PDGFD: variants seen among roughly 807,000 people sequenced by gnomAD.
PDGFD encodes platelet-derived growth factor D.
PDGFD carries 30 observed loss-of-function variants against 44.7 expected under a neutral mutation model. The ratio of observed to expected loss-of-function variants is 0.67; its 90% confidence interval spans 0.50 to 0.91. The LOEUF is 0.91. Ranked by LOEUF, PDGFD falls within the 40% of genes least tolerant of loss-of-function variation. The pLI is 0.00. For missense variants in PDGFD, 445 were observed against 457.8 expected (o/e 0.97, Z 0.25); for synonymous variants, 173 against 168.4 (o/e 1.03, Z -0.21).
chr11:103,910,273 T>C (rs1328906295), intron 6 of PDGFD, among the ~76,000 whole-genome samples: 1 of 152,168 alleles, frequency 6.6e-6, no homozygotes, highest in Non-Finnish European at 1.5e-5. Context: ...AAATCTTTGG[T>C]TGAAGTAAAA....
At position 103,907,578 on chromosome 11, in the gene PDGFD, G is replaced by C. The variant is rs1857955360; in HGVS notation, c.*2116C>G. ...AGTGAATATGCCTGCTTACATTTCAGCTAATAAATAAAAAGTGCAGATAGG... is the reference window on the plus strand; with the variant it reads ...AGTGAATATGCCTGCTTACATTTCACCTAATAAATAAAAAGTGCAGATAGG... On this transcript the variant is annotated 3_prime_UTR_variant, in exon 7 of 7. Coordinates refer to ENST00000393158, the MANE Select transcript of PDGFD (RefSeq NM_025208.5). The C allele has an allele frequency of 6.6e-6, 1 of 152,330 alleles. No individual in the cohort carries two copies. The highest frequency in any genetic ancestry group is 2.1e-4 in the South Asian group (1 of 4,832). 9.4% of individuals were successfully genotyped at this position (152,330 alleles called of 1,614,324 possible).
chr11:104,015,780 T>C (rs927087458), intron 1 of PDGFD, among the ~76,000 whole-genome samples: 3 of 152,204 alleles, frequency 2.0e-5, no homozygotes, highest in Non-Finnish European at 2.9e-5. Context: ...TTTGCATGGT[T>C]GTCCAATTTA....
At chr11:103,944,676 T>C (rs1858642849) in intron 4 of PDGFD, among the ~76,000 whole-genome samples, 1 of 152,130 alleles carries the variant, frequency 6.6e-6, no homozygotes, top group Non-Finnish European at 1.5e-5. Flanking sequence ...TGCTATTGAG[T>C]CCCAGACAGC....
intron 1 of PDGFD, among the ~76,000 whole-genome samples, chr11:104,089,380 A>G (rs1395099262): frequency 2.0e-5 from 3 of 152,218 alleles, no homozygotes; most frequent in Non-Finnish European, 4.4e-5. Context: ...CTGAATCCTT[A>G]AAAATAACAG....
intron 1 of PDGFD, among the ~76,000 whole-genome samples, chr11:104,088,700 TGAA>T (rs979132521): frequency 4.6e-5 from 7 of 152,106 alleles, no homozygotes; most frequent in African/African-American, 1.7e-4. Context: ...CAAGGAACAG[TGAA>T]GAAGAAGGCA....
chr11:104,162,082 G>T (rs948579317), intron 1 of PDGFD, among the ~76,000 whole-genome samples: 1 of 151,300 alleles, frequency 6.6e-6, no homozygotes, highest in Non-Finnish European at 1.5e-5. Flanking sequence ...TTCCCATATA[G>T]ACTGAACAGA....
intron 3 of PDGFD, among the ~76,000 whole-genome samples, chr11:103,973,209 G>A (rs1184587362): frequency 6.6e-6 from 1 of 150,836 alleles, no homozygotes; most frequent in African/African-American, 2.4e-5. Context: ...CACGATCTTG[G>A]CTCACTGCAA....
At chr11:103,987,593 C>T (rs1052420431) in intron 3 of PDGFD, among the ~76,000 whole-genome samples, 4 of 152,162 alleles carry the variant, frequency 2.6e-5, no homozygotes. Context: ...CACCCAAGTT[C>T]TCCATTCTAG....
At chr11:104,084,946 C>CTT (rs3050619) in intron 1 of PDGFD, among the ~76,000 whole-genome samples, 69,220 of 146,324 alleles carry the variant, frequency 0.47, 18,226 homozygotes, top group African/African-American at 0.72. Flanking sequence ...ACATATATCA[C>CTT]ATATAAATAA....
At chr11:104,060,376 T>G (rs10895567) in intron 1 of PDGFD, among the ~76,000 whole-genome samples, 2 of 151,944 alleles carry the variant, frequency 1.3e-5, no homozygotes, top group Non-Finnish European at 2.9e-5. Context: ...CTGGACCAGG[T>G]AGCTGGCCCA....
At chr11:104,131,622 C>T (rs1022660128) in intron 1 of PDGFD, among the ~76,000 whole-genome samples, 14 of 151,802 alleles carry the variant, frequency 9.2e-5, no homozygotes, top group Non-Finnish European at 1.3e-4. Flanking sequence ...CTCTTAAATC[C>T]GGTGCTTTAC....
chr11:104,153,687 C>A (rs1862272037), intron 1 of PDGFD, among the ~76,000 whole-genome samples: 1 of 152,142 alleles, frequency 6.6e-6, no homozygotes, highest in Non-Finnish European at 1.5e-5. Context: ...ATGTTACAAA[C>A]TAATTACTTC....
At chr11:103,954,480 C>T (rs957209865) in intron 3 of PDGFD, among the ~76,000 whole-genome samples, 2 of 152,168 alleles carry the variant, frequency 1.3e-5, no homozygotes, top group Non-Finnish European at 2.9e-5. Flanking sequence ...GGTGATTATG[C>T]TTTATTTGAG....
intron 3 of PDGFD, among the ~76,000 whole-genome samples, chr11:103,959,029 A>C (rs931304438): frequency 6.6e-6 from 1 of 152,234 alleles, no homozygotes; most frequent in Non-Finnish European, 1.5e-5. Flanking sequence ...AAGAGCACTC[A>C]TGAAATGTTA....
chr11:104,113,820 A>G (rs564430885), intron 1 of PDGFD, among the ~76,000 whole-genome samples: 129 of 152,160 alleles, frequency 8.5e-4, no homozygotes, highest in Admixed American at 1.4e-3. Flanking sequence ...TCTAATAGGT[A>G]TGTAGCGGTA....
At chr11:103,988,490 C>T (rs1046120895) in intron 3 of PDGFD, among the ~76,000 whole-genome samples, 1 of 152,136 alleles carries the variant, frequency 6.6e-6, no homozygotes, top group Non-Finnish European at 1.5e-5. Context: ...ATTTCAAACA[C>T]TGCTTGTGTC....
At chr11:103,997,328 T>C (rs988142587) in intron 2 of PDGFD, among the ~76,000 whole-genome samples, 3 of 152,178 alleles carry the variant, frequency 2.0e-5, no homozygotes, top group Admixed American at 2.0e-4. Context: ...AGAAACATTA[T>C]TTCTGAATAC....
intron 3 of PDGFD, among the ~76,000 whole-genome samples, chr11:103,970,932 T>C (rs1249125430): frequency 1.3e-5 from 2 of 152,130 alleles, no homozygotes; most frequent in African/African-American, 2.4e-5. Context: ...CTGTAAGTTA[T>C]TTCACACAAG....
chr11:104,020,257 T>G lies in PDGFD; in HGVS notation c.125-20002A>C, dbSNP rs1422161798. ...CACTATTTCTAGAAATGTTAGGCCC[T>G]GCAGCTATTTCATTAATTTTTTTTT... On this transcript the variant is annotated intron_variant, in intron 1 of 6. Transcript: ENST00000393158. Among the ~76,000 whole-genome samples the G allele has an allele frequency of 2.6e-5, 4 of 152,234 alleles. No homozygotes were observed. In the East Asian group the frequency reaches 7.7e-4, roughly 29 times the overall value.
Sources: gnomAD v4.1 joint callset for allele counts (sites outside exome capture counted in the v4.1 genomes callset) on GRCh38, gnomAD v4.1.1 for gene constraint, MANE v1.5 for transcripts, NCBI Gene and HGNC (gene_info 2026-07-23, HGNC 2026-07-21) for gene names.